CNTNAP2: variants seen among roughly 807,000 people sequenced by gnomAD.
CNTNAP2 encodes contactin-associated protein-like 2.
A neutral mutation model predicts 155.2 loss-of-function variants in CNTNAP2; 98 were observed. That is an observed-to-expected ratio of 0.63 (90% CI 0.54 to 0.75). The LOEUF (loss-of-function observed/expected upper bound fraction) is 0.75. Ranked by LOEUF, CNTNAP2 falls within the 30% of genes least tolerant of loss-of-function variation. CNTNAP2 has a pLI of 0.00. For missense variants in CNTNAP2, 1,727 were observed against 1,688.1 expected (o/e 1.02, Z -0.40); for synonymous variants, 651 against 631.2 (o/e 1.03, Z -0.47).
intron 11 of CNTNAP2, among the ~76,000 whole-genome samples, chr7:147,516,894 G>A (rs1013449229): frequency 1.6e-5 from 2 of 129,000 alleles, no homozygotes; most frequent in African/African-American, 3.1e-5. Context: ...ACATAATCTC[G>A]CTCTGTGCCC....
intron 10 of CNTNAP2, among the ~76,000 whole-genome samples, chr7:147,401,741 T>A (rs556262587): frequency 1.4e-4 from 22 of 152,240 alleles, no homozygotes; most frequent in Non-Finnish European, 2.4e-4. Flanking sequence ...TCTGATAGTT[T>A]AAAAGTATGG....
In CNTNAP2 at chr7:146,801,703, G is replaced by A. The variant is rs182096890; in HGVS notation, c.208+27322G>A. Reference sequence around the variant, plus strand: ...TTTTTAATTGTTTTTCCAGAGAAGAGGCTGACATGGTTAAAGTGTGTTGTT... The same window carrying A: ...TTTTTAATTGTTTTTCCAGAGAAGAAGCTGACATGGTTAAAGTGTGTTGTT... On this transcript the variant is annotated intron_variant, in intron 2 of 23. Transcript: ENST00000361727. Among the ~76,000 whole-genome samples, 388 of 152,240 alleles carry A rather than the reference G, an allele frequency of 2.5e-3. 1 individual carries two copies. Among genetic ancestry groups the A allele is most frequent in the African/African-American group, 9.0e-3 (373 of 41,542 alleles).
chr7:146,361,500 A>T (rs544447887), intron 1 of CNTNAP2, among the ~76,000 whole-genome samples: 114 of 152,292 alleles, frequency 7.5e-4, no homozygotes, highest in African/African-American at 2.3e-3. Flanking sequence ...CTTCTCTAGG[A>T]TTCAAGTGTT....
chr7:147,910,041 A>G (rs1800034268), intron 14 of CNTNAP2, among the ~76,000 whole-genome samples: 1 of 152,186 alleles, frequency 6.6e-6, no homozygotes, highest in Non-Finnish European at 1.5e-5. Flanking sequence ...CAACTTTTAT[A>G]GCAGCTGAGG....
intron 13 of CNTNAP2, among the ~76,000 whole-genome samples, chr7:147,772,949 A>G (rs1478226423): frequency 6.6e-6 from 1 of 152,196 alleles, no homozygotes; most frequent in Non-Finnish European, 1.5e-5. Flanking sequence ...TGATCACACA[A>G]GTGAATTAGC....
At chr7:146,749,880 A>G (rs908205748) in intron 1 of CNTNAP2, among the ~76,000 whole-genome samples, 5 of 152,144 alleles carry the variant, frequency 3.3e-5, no homozygotes, top group African/African-American at 1.2e-4. Context: ...GTCCCTTGTT[A>G]TCTTCTCAGT....
chr7:146,299,186 G>T (rs1039081088), intron 1 of CNTNAP2, among the ~76,000 whole-genome samples: 1 of 152,096 alleles, frequency 6.6e-6, no homozygotes, highest in Non-Finnish European at 1.5e-5. Flanking sequence ...CAGGAGAATT[G>T]CTTGAACCCA....
At chr7:147,618,640 A>ATATATATATAATAACAGCTAT (rs578231521) in intron 12 of CNTNAP2, among the ~76,000 whole-genome samples, 5 of 150,522 alleles carry the variant, frequency 3.3e-5, no homozygotes, top group South Asian at 2.1e-4. Flanking sequence ...TATAAAATGT[A>ATATATATATAATAACAGCTAT]TATATATATA....
At chr7:147,691,123 C>T (rs1281423228) in intron 13 of CNTNAP2, among the ~76,000 whole-genome samples, 3 of 152,018 alleles carry the variant, frequency 2.0e-5, no homozygotes, top group Admixed American at 6.6e-5. Context: ...TCATAGATCA[C>T]ATTAATTCAA....
At chr7:148,359,565 G>T (rs1798580214) in intron 21 of CNTNAP2, among the ~76,000 whole-genome samples, 1 of 152,172 alleles carries the variant, frequency 6.6e-6, no homozygotes, top group Non-Finnish European at 1.5e-5. Flanking sequence ...CAGTTACATT[G>T]CTAGAGAGAT....
At chr7:147,341,291 G>T (rs554517811) in intron 9 of CNTNAP2, among the ~76,000 whole-genome samples, 1 of 151,892 alleles carries the variant, frequency 6.6e-6, no homozygotes, top group African/African-American at 2.4e-5. Flanking sequence ...CCTGTCGGTC[G>T]GTGGAGGGCT....
chr7:146,804,432 T>G (rs1370335708), intron 2 of CNTNAP2, among the ~76,000 whole-genome samples: 1 of 152,174 alleles, frequency 6.6e-6, no homozygotes, highest in African/African-American at 2.4e-5. Flanking sequence ...GGAGGATGTG[T>G]AAAATCCAAC....
At chr7:146,689,977 A>G (rs1029195350) in intron 1 of CNTNAP2, among the ~76,000 whole-genome samples, 1 of 151,250 alleles carries the variant, frequency 6.6e-6, no homozygotes, top group African/African-American at 2.4e-5. Flanking sequence ...GATTATTTTT[A>G]TATTAATATT....
At chr7:147,183,008 A>T (rs1005595289) in intron 8 of CNTNAP2, among the ~76,000 whole-genome samples, 3 of 152,188 alleles carry the variant, frequency 2.0e-5, no homozygotes, top group African/African-American at 7.2e-5. Context: ...GATTCATTTT[A>T]ATCTAATTTC....
intron 1 of CNTNAP2, among the ~76,000 whole-genome samples, chr7:146,420,041 G>C (rs1466158050): frequency 6.6e-6 from 1 of 152,034 alleles, no homozygotes; most frequent in African/African-American, 2.4e-5. Flanking sequence ...TTTCCCTTTG[G>C]GCCACCCTCT....
chr7:147,287,484 G>T lies in CNTNAP2; in HGVS notation c.1349-12657G>T, dbSNP rs557541228. 2.0e-5 allele frequency among the ~76,000 whole-genome samples: 3 copies of T among 152,140 alleles called. No homozygotes were observed. The East Asian group carries it at 5.8e-4, about 29-fold the overall frequency. On this transcript the variant is annotated intron_variant, in intron 8 of 23. Coordinates refer to ENST00000361727, the MANE Select transcript of CNTNAP2 (RefSeq NM_014141.6). ...CTTAACTAAAGTTTAGTCAAGCAAAGAATCTCTGCTACCTGGCCTCTCATC... is the reference window on the plus strand; with the variant it reads ...CTTAACTAAAGTTTAGTCAAGCAAATAATCTCTGCTACCTGGCCTCTCATC...
intron 13 of CNTNAP2, among the ~76,000 whole-genome samples, chr7:147,698,028 C>T (rs1003599534): frequency 6.6e-6 from 1 of 152,108 alleles, no homozygotes; most frequent in Non-Finnish European, 1.5e-5. Flanking sequence ...GGGTTTCCTA[C>T]CCTGGTACTG....
chr7:146,352,750 G>GTTTTTTTTTGTTTTT (rs1794934916), intron 1 of CNTNAP2, among the ~76,000 whole-genome samples: 2 of 64,338 alleles, frequency 3.1e-5, no homozygotes, highest in African/African-American at 6.4e-5. Context: ...GCATAATTCT[G>GTTTTTTTTTGTTTTT]TTTTTTTTTT....
chr7:147,832,622 AT>A (rs1213924501), intron 13 of CNTNAP2, among the ~76,000 whole-genome samples: 2 of 146,240 alleles, frequency 1.4e-5, no homozygotes, highest in East Asian at 2.0e-4. Context: ...ATATTTTTAT[AT>A]TTTTATATAA....
Sources: gnomAD v4.1 joint callset for allele counts (sites outside exome capture counted in the v4.1 genomes callset) on GRCh38, gnomAD v4.1.1 for gene constraint, MANE v1.5 for transcripts, NCBI Gene and HGNC (gene_info 2026-07-23, HGNC 2026-07-21) for gene names.